BICC1: variants seen among roughly 807,000 people sequenced by gnomAD.
The protein encoded by BICC1 is BicC family RNA binding protein 1.
In BICC1, 43 loss-of-function variants were observed where a neutral mutation model predicts 111.0. The ratio of observed to expected loss-of-function variants is 0.39; its 90% confidence interval spans 0.30 to 0.50. The LOEUF (loss-of-function observed/expected upper bound fraction) is 0.50. BICC1 is among the 20% of genes least tolerant of loss of function. BICC1 has a pLI of 0.88. For missense variants in BICC1, 1,091 were observed against 1,203.2 expected (o/e 0.91, Z 1.38); for synonymous variants, 467 against 434.4 (o/e 1.07, Z -0.93).
intron 2 of BICC1, among the ~76,000 whole-genome samples, chr10:58,682,864 G>C (rs1202341830): frequency 6.6e-6 from 1 of 152,000 alleles, no homozygotes; most frequent in Non-Finnish European, 1.5e-5. Flanking sequence ...TTCTTTTGCT[G>C]TGTGCAGAAG....
At chr10:58,734,801 G>T (rs761016248) in intron 3 of BICC1, among the ~76,000 whole-genome samples, 22 of 152,250 alleles carry the variant, frequency 1.4e-4, no homozygotes, top group East Asian at 3.9e-4. Flanking sequence ...AGAAATTGTG[G>T]TTTTTTGGTC....
intron 3 of BICC1, among the ~76,000 whole-genome samples, chr10:58,740,051 C>T (rs1841608527): frequency 6.6e-6 from 1 of 152,124 alleles, no homozygotes. Context: ...GCTGGGTTTA[C>T]TTAATCTTTT....
At chr10:58,727,885 G>C (rs1841159971) in intron 3 of BICC1, among the ~76,000 whole-genome samples, 1 of 152,116 alleles carries the variant, frequency 6.6e-6, no homozygotes, top group Non-Finnish European at 1.5e-5. Context: ...GCATATAAAA[G>C]ATATGTTTAC....
chr10:58,799,351 T>C, intron 12 of BICC1, 99 bp downstream of exon 12: 1 of 883,406 alleles, frequency 1.1e-6, no homozygotes, highest in Non-Finnish European at 1.6e-6. Context: ...GTGTGTGATC[T>C]CTGCTGTTTG....
chr10:58,568,746 A>C (rs1294399911), intron 1 of BICC1, among the ~76,000 whole-genome samples: 1 of 151,722 alleles, frequency 6.6e-6, no homozygotes, highest in East Asian at 1.9e-4. Context: ...CCTGTGCTCC[A>C]CTCCCTTCTC....
chr10:58,736,388 C>A (rs199772923), intron 3 of BICC1, among the ~76,000 whole-genome samples: 2 of 152,164 alleles, frequency 1.3e-5, no homozygotes, highest in Non-Finnish European at 2.9e-5. Flanking sequence ...GAAAAAACAA[C>A]ATATGTAGAA....
At chr10:58,692,775 C>A (rs1839948482) in intron 2 of BICC1, among the ~76,000 whole-genome samples, 1 of 151,336 alleles carries the variant, frequency 6.6e-6, no homozygotes, top group Admixed American at 6.6e-5. Flanking sequence ...TGTGAAAAAT[C>A]TTCTAGAATT....
Position 58,814,090 on chromosome 10 carries a change from G to T in BICC1, c.2533+104G>T, listed in dbSNP as rs767273803. ...GTGGCCTCTCTGACTTCAAGTGCTT[G>T]GTGTAATTCACATGCCATCTCCTCT... On this transcript the variant is annotated intron_variant, in intron 18 of 20. Transcript: ENST00000373886. 6 of 1,322,472 alleles carry T rather than the reference G, an allele frequency of 4.5e-6. No homozygotes were observed. In the East Asian group the frequency reaches 1.2e-4, roughly 26 times the overall value. 81.9% of individuals were successfully genotyped at this position (1,322,472 alleles called of 1,614,324 possible).
intron 3 of BICC1, among the ~76,000 whole-genome samples, chr10:58,761,750 A>G (rs868420918): frequency 2.4e-4 from 36 of 152,290 alleles, no homozygotes; most frequent in Non-Finnish European, 5.9e-5. Context: ...AAGGACTGGC[A>G]TGGAAATCTT....
chr10:58,660,495 AAAG>A (rs1838807346), intron 2 of BICC1, among the ~76,000 whole-genome samples: 16 of 152,250 alleles, frequency 1.1e-4, no homozygotes, highest in Admixed American at 8.5e-4. Flanking sequence ...TAAAAAAAAA[AAAG>A]AGTTCATTCT....
chr10:58,625,004 A>G (rs952948276), intron 2 of BICC1, among the ~76,000 whole-genome samples: 3 of 152,260 alleles, frequency 2.0e-5, no homozygotes, highest in African/African-American at 7.2e-5. Flanking sequence ...ATGGGATTAC[A>G]GATTAAACTA....
At chr10:58,630,929 C>G (rs962809423) in intron 2 of BICC1, among the ~76,000 whole-genome samples, 1 of 152,138 alleles carries the variant, frequency 6.6e-6, no homozygotes, top group Non-Finnish European at 1.5e-5. Flanking sequence ...TTAGACCATA[C>G]TATACCAGTG....
chr10:58,791,065 C>T (rs1049970673), intron 8 of BICC1, among the ~76,000 whole-genome samples: 1 of 152,126 alleles, frequency 6.6e-6, no homozygotes, highest in Non-Finnish European at 1.5e-5. Context: ...ATTCCTCTGA[C>T]AGACAAGAAC....
At chr10:58,679,987 A>G (rs1027709549) in intron 2 of BICC1, among the ~76,000 whole-genome samples, 46 of 152,124 alleles carry the variant, frequency 3.0e-4, no homozygotes, top group Non-Finnish European at 5.0e-4. Context: ...AAAATTCAAC[A>G]CCCCTTCATG....
chr10:58,665,424 G>C (rs1838977765), intron 2 of BICC1, among the ~76,000 whole-genome samples: 1 of 152,018 alleles, frequency 6.6e-6, no homozygotes, highest in Non-Finnish European at 1.5e-5. Flanking sequence ...TATCTTTGGT[G>C]GTTTGATTGT....
At position 58,828,061 on chromosome 10, in the gene BICC1, A is replaced by T. The variant is rs558169741; in HGVS notation, c.2795-700A>T. 4.3e-4 allele frequency among the ~76,000 whole-genome samples: 65 copies of T among 152,372 alleles called. No individual in the cohort carries two copies. In the Middle Eastern group the frequency reaches 0.01, roughly 24 times the overall value. On this transcript the variant is annotated intron_variant, in intron 20 of 20. Transcript: ENST00000373886. ...ATGTAGTATAAAATACATATAACATACAGAACATGTGTTAATCAACTTACT... is the reference window on the plus strand; with the variant it reads ...ATGTAGTATAAAATACATATAACATTCAGAACATGTGTTAATCAACTTACT...
intron 2 of BICC1, among the ~76,000 whole-genome samples, chr10:58,668,578 C>T (rs1191307412): frequency 6.6e-6 from 1 of 152,130 alleles, no homozygotes; most frequent in African/African-American, 2.4e-5. Flanking sequence ...TTTAAATGGA[C>T]ATAGCATGTG....
intron 1 of BICC1, among the ~76,000 whole-genome samples, chr10:58,551,758 T>C (rs1490408527): frequency 3.3e-5 from 5 of 152,196 alleles, no homozygotes; most frequent in African/African-American, 1.2e-4. Context: ...TTTCTCTTTC[T>C]CTGACCTTAG....
chr10:58,518,896 C>G (rs1842317556), intron 1 of BICC1, among the ~76,000 whole-genome samples: 1 of 152,120 alleles, frequency 6.6e-6, no homozygotes, highest in African/African-American at 2.4e-5. Context: ...AGTCACTTAT[C>G]TCTATGAAGA....
Sources: gnomAD v4.1 joint callset for allele counts (sites outside exome capture counted in the v4.1 genomes callset) on GRCh38, gnomAD v4.1.1 for gene constraint, MANE v1.5 for transcripts, NCBI Gene and HGNC (gene_info 2026-07-23, HGNC 2026-07-21) for gene names.